Variants in CLEC6A observed in about 807,000 individuals in gnomAD.
The protein encoded by CLEC6A is C-type lectin domain family 6 member A.
A neutral mutation model predicts 25.7 loss-of-function variants in CLEC6A; 22 were observed. The ratio of observed to expected loss-of-function variants is 0.85; its 90% CI spans 0.61 to 1.22. The LOEUF (loss-of-function observed/expected upper bound fraction) is 1.22. Ranked by LOEUF, CLEC6A falls within the 50% of genes most tolerant of loss-of-function variation. CLEC6A has a pLI of 0.00. For missense variants in CLEC6A, 240 were observed against 236.8 expected, an observed-to-expected ratio of 1.01 and a Z score of -0.09; for synonymous variants, 92 against 76.7, an observed-to-expected ratio of 1.20 and a Z score of -1.04.
At chr12:8,472,813 G>A (rs992396532) in intron 4 of CLEC6A, among the ~76,000 whole-genome samples, 2 of 152,042 alleles carry the variant, frequency 1.3e-5, no homozygotes, top group Non-Finnish European at 2.9e-5. Flanking sequence ...TGGGTATATT[G>A]CACAATGCTG....
In CLEC6A at chr12:8,477,415, G is replaced by A. The variant is rs759811422; in HGVS notation, c.581G>A (p.Cys194Tyr). The stretch of plus-strand genomic sequence containing the variant: ...GGATGGGGCTGGAATGATGTTATCT[G>A]TGAAACTAGAAGGAATTCAATATGT... The part of the protein sequence containing the change: ...PTGWGWNDVI[C>Y]ETRRNSICEM... Residue 194 changes from cysteine to tyrosine, a missense_variant, in exon 6 of 6, where the codon TGT (cysteine) becomes TAT (tyrosine). Transcript: ENST00000382073. 6.2e-7 allele frequency: 1 copy of A among 1,611,226 alleles called. No homozygotes were observed. The highest frequency in any genetic ancestry group is 1.7e-5 in the Admixed American group (1 of 59,734).
Position 8,460,793 on chromosome 12 carries a change from A to G in CLEC6A, c.223+1095A>G, listed in dbSNP as rs1016883072. Reference sequence around the variant, plus strand: ...CTGGGCTACAAGGCCAAACAAGGTTACCTTATATATAGGATTCGTGTTAGC... The same window carrying G: ...CTGGGCTACAAGGCCAAACAAGGTTGCCTTATATATAGGATTCGTGTTAGC... On this transcript the variant is annotated intron_variant, in intron 3 of 5. Coordinates refer to ENST00000382073, the MANE Select transcript of CLEC6A (RefSeq NM_001007033.2). The G allele has an allele frequency of 5.4e-6, 7 of 1,288,466 alleles. No individual in the cohort carries two copies. The Admixed American group carries it at 8.5e-5, about 16-fold the overall frequency. The allele number at this position is 1,288,466 out of a possible 1,614,324, so 79.8% of individuals were successfully genotyped here.
intron 4 of CLEC6A, among the ~76,000 whole-genome samples, chr12:8,475,484 G>C (rs1480985398): frequency 6.6e-6 from 1 of 152,044 alleles, no homozygotes; most frequent in Non-Finnish European, 1.5e-5. Flanking sequence ...ACCTAGAAAA[G>C]CTGGTGGTGT....
chr12:8,468,701 G>A (rs1218833216), intron 4 of CLEC6A, among the ~76,000 whole-genome samples: 3 of 152,072 alleles, frequency 2.0e-5, no homozygotes, highest in African/African-American at 4.8e-5. Context: ...TGATCATCTC[G>A]ATAGACCCAG....
At chr12:8,462,561 T>C (rs1440691793) in intron 3 of CLEC6A, among the ~76,000 whole-genome samples, 8 of 136,836 alleles carry the variant, frequency 5.8e-5, no homozygotes, top group African/African-American at 2.1e-4. Flanking sequence ...CTGTAAGTCA[T>C]TGAGATGTTT....
intron 1 of CLEC6A, among the ~76,000 whole-genome samples, chr12:8,456,621 AT>A (rs34877979): frequency 7.2e-6 from 1 of 139,098 alleles, no homozygotes; most frequent in South Asian, 2.4e-4. Flanking sequence ...TTTTAAAAAA[AT>A]TTTTATTAAA....
chr12:8,471,866 G>T lies in CLEC6A; in HGVS notation c.370-4259G>T, dbSNP rs149602079. Among the ~76,000 whole-genome samples, 39 of 152,066 alleles carry T rather than the reference G, an allele frequency of 2.6e-4. 1 individual carries two copies. The East Asian group carries it at 6.6e-3, about 26-fold the overall frequency. On this transcript the variant is annotated intron_variant, in intron 4 of 5. Coordinates refer to ENST00000382073, the MANE Select transcript of CLEC6A (RefSeq NM_001007033.2). ...GTATCATAACAGTCCCTTCTGTCCT[G>T]CAAGGTTTCACTGAGAAATCTGCTG...
At chr12:8,476,481 T>C (rs759138181) in intron 5 of CLEC6A, among the ~76,000 whole-genome samples, 1 of 152,144 alleles carries the variant, frequency 6.6e-6, no homozygotes, top group African/African-American at 2.4e-5. Flanking sequence ...AGAAACTGGA[T>C]GTCAACTCCA....
Position 8,477,583 on chromosome 12 carries a change from T to C in CLEC6A, c.*119T>C. 2 of 737,612 alleles carry C rather than the reference T, an allele frequency of 2.7e-6. No individual in the cohort carries two copies. The highest frequency in any genetic ancestry group is 4.2e-6 in the Non-Finnish European group (2 of 474,296). The allele number at this position is 737,612 out of a possible 1,614,324, so 45.7% of individuals were successfully genotyped here. ...TTCCTGAATTTACACATAATCCTTATGTTATAGAGGTTCACAGAAATGGAA... is the reference window on the plus strand; with the variant it reads ...TTCCTGAATTTACACATAATCCTTACGTTATAGAGGTTCACAGAAATGGAA... On this transcript the variant is annotated 3_prime_UTR_variant, in exon 6 of 6. Coordinates refer to ENST00000382073, the MANE Select transcript of CLEC6A (RefSeq NM_001007033.2).
chr12:8,466,141 G>A (rs1159415323), intron 4 of CLEC6A, among the ~76,000 whole-genome samples: 1 of 152,188 alleles, frequency 6.6e-6, no homozygotes, highest in Non-Finnish European at 1.5e-5. Context: ...GGTGTACACT[G>A]TGATGATTTG....
intron 2 of CLEC6A, among the ~76,000 whole-genome samples, chr12:8,458,364 A>G (rs975040632): frequency 7.9e-5 from 12 of 152,220 alleles, no homozygotes; most frequent in Non-Finnish European, 1.6e-4. Flanking sequence ...CATATTCTAT[A>G]TTAGATTCTT....
chr12:8,472,858 C>A (rs771331401), intron 4 of CLEC6A, among the ~76,000 whole-genome samples: 2 of 152,156 alleles, frequency 1.3e-5, no homozygotes, highest in Admixed American at 1.3e-4. Context: ...TTACCCAGGT[C>A]CTAAGTGTAG....
At chr12:8,471,808 T>C (rs1453068292) in intron 4 of CLEC6A, among the ~76,000 whole-genome samples, 3 of 152,138 alleles carry the variant, frequency 2.0e-5, no homozygotes, top group African/African-American at 7.2e-5. Context: ...ATTTTCTTAG[T>C]TGGCTGATTT....
In CLEC6A at chr12:8,460,588, T is replaced by G. The variant is rs779354362; in HGVS notation, c.223+890T>G. The G allele has an allele frequency of 4.8e-5, 52 of 1,073,778 alleles. No individual in the cohort carries two copies. The African/African-American group carries it at 6.7e-4, about 14-fold the overall frequency. 66.5% of individuals were successfully genotyped at this position (1,073,778 alleles called of 1,614,324 possible). A position where few individuals can be genotyped will look rare whatever the true frequency, so the allele number is the denominator to read the frequency against. On this transcript the variant is annotated intron_variant, in intron 3 of 5. Transcript: ENST00000382073. ...TCATGGAAAAGGGGAAGAGCCTTTC[T>G]GTCTGGCGGAAGCCATCACATAAGT...
At chr12:8,466,789 G>T (rs1395567611) in intron 4 of CLEC6A, among the ~76,000 whole-genome samples, 2 of 151,808 alleles carry the variant, frequency 1.3e-5, no homozygotes, top group Non-Finnish European at 2.9e-5. Flanking sequence ...CGAGTAGCTG[G>T]GCTTACAGGT....
chr12:8,466,375 T>C (rs7309596), intron 4 of CLEC6A, among the ~76,000 whole-genome samples: 117,583 of 152,114 alleles, frequency 0.77, 45,911 homozygotes, highest in East Asian at 0.99. Context: ...TTTAGAGTTT[T>C]TGCTTTTAAT....
At chr12:8,468,354 C>T (rs1939864219) in intron 4 of CLEC6A, among the ~76,000 whole-genome samples, 1 of 152,156 alleles carries the variant, frequency 6.6e-6, no homozygotes, top group African/African-American at 2.4e-5. Flanking sequence ...TCTGAAACTG[C>T]TGAATTTGCT....
intron 4 of CLEC6A, among the ~76,000 whole-genome samples, chr12:8,471,129 C>T (rs940033564): frequency 6.6e-6 from 1 of 151,876 alleles, no homozygotes; most frequent in African/African-American, 2.4e-5. Flanking sequence ...TTTTACATTC[C>T]AGAAATAAAT....
Position 8,477,630 on chromosome 12 carries a change from C to T in CLEC6A, c.*166C>T, listed in dbSNP as rs1035117446. On this transcript the variant is annotated 3_prime_UTR_variant, in exon 6 of 6. Transcript: ENST00000382073. Reference sequence around the variant, plus strand: ...GGAAAGATACCTGTTTCCCTTTAATCAATCTTCTCGTTTCCTCTTTTCCAT... The same window carrying T: ...GGAAAGATACCTGTTTCCCTTTAATTAATCTTCTCGTTTCCTCTTTTCCAT... 1 of 491,468 alleles carries T rather than the reference C, an allele frequency of 2.0e-6. No homozygotes were observed. The highest frequency in any genetic ancestry group is 2.0e-5 in the African/African-American group (1 of 49,664). 30.4% of individuals were successfully genotyped at this position (491,468 alleles called of 1,614,324 possible).
Sources: allele counts gnomAD v4.1 joint callset (sites outside exome capture counted in the v4.1 genomes callset), GRCh38; gene constraint gnomAD v4.1.1; transcripts MANE v1.5; gene names NCBI Gene and HGNC (gene_info 2026-07-23, HGNC 2026-07-21).